The following KAT6B variants were observed in gnomAD, a reference collection of about 807,000 sequenced individuals.
The protein encoded by KAT6B is histone acetyltransferase KAT6B.
KAT6B carries 10 observed loss-of-function variants against 187.5 expected under a neutral mutation model. The ratio of observed to expected loss-of-function variants is 0.05; its 90% confidence interval spans 0.03 to 0.09. The LOEUF is 0.09. KAT6B is among the 10% of genes least tolerant of loss of function. The pLI is 1.00. For missense variants in KAT6B, 1,952 were observed against 2,558.9 expected, an observed-to-expected ratio of 0.76 and a Z score of 5.12; for synonymous variants, 861 against 926.8, an observed-to-expected ratio of 0.93 and a Z score of 1.29.
At chr10:75,009,747 T>G (rs1339132461) in intron 13 of KAT6B, among the ~76,000 whole-genome samples, 2 of 152,196 alleles carry the variant, frequency 1.3e-5, no homozygotes, top group African/African-American at 4.8e-5. Context: ...GGCTCATGCC[T>G]GTAATCTCAG....
intron 8 of KAT6B, 111 bp downstream of exon 8, chr10:74,976,441 C>T (rs1842168423): frequency 4.5e-6 from 4 of 880,416 alleles, no homozygotes; most frequent in Non-Finnish European, 7.3e-6. Context: ...TTAGCTATTT[C>T]TCTTGTTCTC....
chr10:74,984,431 A>AT (rs1211877141), intron 11 of KAT6B: 1 of 152,516 alleles, frequency 6.6e-6, no homozygotes, highest in Admixed American at 6.5e-5. Context: ...AGCCATCAGT[A>AT]TCACAGCTTG....
chr10:74,973,423 T>C (rs2133697425), intron 7 of KAT6B, among the ~76,000 whole-genome samples: 1 of 152,322 alleles, frequency 6.6e-6, no homozygotes, highest in African/African-American at 2.4e-5. Flanking sequence ...ATCAGTAGAC[T>C]TGCACATCTA....
At chr10:74,905,272 C>T (rs182318483) in intron 3 of KAT6B, among the ~76,000 whole-genome samples, 126 of 152,282 alleles carry the variant, frequency 8.3e-4, no homozygotes, top group African/African-American at 2.7e-3. Flanking sequence ...GAGATCATTG[C>T]CTCAGGCCAC....
chr10:74,906,983 A>G (rs567022814), intron 3 of KAT6B, among the ~76,000 whole-genome samples: 32 of 152,298 alleles, frequency 2.1e-4, no homozygotes, highest in Admixed American at 1.1e-3. Flanking sequence ...CAGTGCTGTC[A>G]ATCCTTCCTT....
intron 3 of KAT6B, 100 bp downstream of exon 3, chr10:74,843,578 G>T: frequency 6.9e-7 from 1 of 1,443,412 alleles, no homozygotes; most frequent in South Asian, 1.2e-5. Context: ...AATAAAGTTT[G>T]ATAAAATTGA....
At chr10:74,904,101 A>G (rs1044916606) in intron 3 of KAT6B, among the ~76,000 whole-genome samples, 7 of 152,200 alleles carry the variant, frequency 4.6e-5, no homozygotes, top group Non-Finnish European at 1.0e-4. Context: ...CCTGTCTCAC[A>G]ACAAGGATGG....
At chr10:74,859,976 C>T (rs988660217) in intron 3 of KAT6B, among the ~76,000 whole-genome samples, 97 of 152,118 alleles carry the variant, frequency 6.4e-4, no homozygotes, top group African/African-American at 2.3e-3. Context: ...GTATTTTTCT[C>T]GCTTCTAAAA....
chr10:74,982,572 A>AT (rs1177671452), intron 11 of KAT6B: 2 of 153,136 alleles, frequency 1.3e-5, no homozygotes, highest in African/African-American at 4.8e-5. Flanking sequence ...TTGTTTAATT[A>AT]TGTATCTGTT....
chr10:74,901,327 A>G (rs908665948), intron 3 of KAT6B, among the ~76,000 whole-genome samples: 2 of 152,230 alleles, frequency 1.3e-5, no homozygotes, highest in Non-Finnish European at 2.9e-5. Flanking sequence ...TTATAAAGAA[A>G]TATTGACGTT....
At chr10:74,942,765 C>CA (rs56276008) in intron 3 of KAT6B, among the ~76,000 whole-genome samples, 1,138 of 9,358 alleles carry the variant, frequency 0.12, 395 homozygotes, top group Non-Finnish European at 0.2. Context: ...AACTCCATCG[C>CA]AAAAAAAAAA....
At chr10:74,902,861 T>G (rs1255596478) in intron 3 of KAT6B, among the ~76,000 whole-genome samples, 1 of 152,194 alleles carries the variant, frequency 6.6e-6, no homozygotes, top group African/African-American at 2.4e-5. Context: ...TTGAGAAGAG[T>G]TAATATTATT....
At chr10:74,947,730 C>T (rs184838716) in intron 3 of KAT6B, among the ~76,000 whole-genome samples, 2 of 152,138 alleles carry the variant, frequency 1.3e-5, no homozygotes, top group African/African-American at 4.8e-5. Context: ...TACTGTTTAC[C>T]CTAGTAAAGA....
At chr10:74,971,664 CT>C (rs1314027260) in intron 6 of KAT6B, among the ~76,000 whole-genome samples, 1 of 151,912 alleles carries the variant, frequency 6.6e-6, no homozygotes, top group Non-Finnish European at 1.5e-5. Flanking sequence ...TGCAGAAGCT[CT>C]TTTTTTGTGT....
At chr10:74,946,390 C>T (rs981049429) in intron 3 of KAT6B, among the ~76,000 whole-genome samples, 3 of 151,930 alleles carry the variant, frequency 2.0e-5, no homozygotes, top group African/African-American at 7.3e-5. Context: ...GTGTTCCACT[C>T]CTAGGTATTT....
chr10:74,868,403 G>A (rs888289187), intron 3 of KAT6B, among the ~76,000 whole-genome samples: 2 of 152,068 alleles, frequency 1.3e-5, no homozygotes, highest in Admixed American at 6.6e-5. Context: ...CTTTCAGGAG[G>A]CTTCATTTTA....
chr10:74,997,695 G>T (rs1022334687), intron 13 of KAT6B, among the ~76,000 whole-genome samples: 2 of 152,090 alleles, frequency 1.3e-5, no homozygotes, highest in Non-Finnish European at 2.9e-5. Context: ...ATCTAACTAA[G>T]CTGGTGGAAA....
chr10:74,854,311 G>A (rs1391653708), intron 3 of KAT6B, among the ~76,000 whole-genome samples: 1 of 152,202 alleles, frequency 6.6e-6, no homozygotes, highest in African/African-American at 2.4e-5. Flanking sequence ...AAGGAGTTGT[G>A]GCAGTGGATA....
At position 74,842,913 on chromosome 10, in the gene KAT6B, A is replaced by G. The variant is rs1258232007; in HGVS notation, c.56A>G (p.Lys19Arg). ...GAGTGGATTCTTGAAGCTATACAGA[A>G]AATAAAAAAGCAAAAGCAAAGGCCC... is the stretch of plus-strand genomic sequence containing the variant. ...YTEWILEAIQ[K>R]IKKQKQRPSE... Residue 19 changes from lysine to arginine, a missense_variant, in exon 3 of 18, where the codon AAA becomes AGA. By Grantham distance (26) the Lys-to-Arg change is conservative. Transcript: ENST00000287239. The G allele has an allele frequency of 4.3e-6, 7 of 1,614,216 alleles. No homozygotes were observed. The highest frequency in any genetic ancestry group is 5.9e-6 in the Non-Finnish European group (7 of 1,180,022).
Sources: gnomAD v4.1 joint callset for allele counts (sites outside exome capture counted in the v4.1 genomes callset) on GRCh38, gnomAD v4.1.1 for gene constraint, MANE v1.5 for transcripts, NCBI Gene and HGNC (gene_info 2026-07-23, HGNC 2026-07-21) for gene names.